PTPRK: variants seen among roughly 807,000 people sequenced by gnomAD.
PTPRK encodes the protein receptor-type tyrosine-protein phosphatase kappa.
In PTPRK, 75 loss-of-function variants were observed where a neutral mutation model predicts 178.0. The ratio of observed to expected loss-of-function variants is 0.42; its 90% CI spans 0.35 to 0.51. The LOEUF (loss-of-function observed/expected upper bound fraction) is 0.51. Ranked by LOEUF, PTPRK falls within the 20% of genes least tolerant of loss-of-function variation. The pLI, the probability that PTPRK is intolerant of heterozygous loss-of-function variation, is 0.02. For missense variants in PTPRK, 1,441 were observed against 1,797.8 expected (o/e 0.80, Z 3.59); for synonymous variants, 637 against 620.6 (o/e 1.03, Z -0.39).
In PTPRK at chr6:128,249,552, T is replaced by C. The variant is rs150941898; in HGVS notation, c.496-6950A>G. ...AGTATAGTAGAAGAAGATAGGTTTA[T>C]ACTTGGGAAGTATGATACATATGCA... is the stretch of plus-strand genomic sequence containing the variant. On this transcript the variant is annotated intron_variant, in intron 3 of 29. Transcript: ENST00000368226. Among the ~76,000 whole-genome samples, 41 of 152,252 alleles carry C rather than the reference T, an allele frequency of 2.7e-4. 1 individual carries two copies. The East Asian group carries it at 7.9e-3, about 29-fold the overall frequency.
chr6:128,184,568 T>G lies in PTPRK; in HGVS notation c.1026A>C (p.Ala342=). ...MTSGSWTETH[A]VNAPTYKLWH... ...ATAATTTGTAAGTTGGAGCATTGAC[T>G]GCATGGGTTTCTGTCCAGGATCCTG... is the stretch of plus-strand genomic sequence containing the variant. The change falls in exon 7 of 30, where the codon GCA becomes GCC. Residue 342 remains alanine (A), a synonymous_variant. Coordinates refer to ENST00000368226, the MANE Select transcript of PTPRK (RefSeq NM_002844.4). The G allele has an allele frequency of 6.2e-7, 1 of 1,614,020 alleles. No homozygotes were observed. Among genetic ancestry groups the G allele is most frequent in the Non-Finnish European group, 8.5e-7 (1 of 1,179,940 alleles).
chr6:128,298,277 C>T (rs918171349), intron 3 of PTPRK, among the ~76,000 whole-genome samples: 6 of 152,070 alleles, frequency 3.9e-5, no homozygotes, highest in Admixed American at 3.9e-4. Flanking sequence ...CAGATGGATT[C>T]ACAGCCGAAT....
intron 7 of PTPRK, among the ~76,000 whole-genome samples, chr6:128,166,681 A>C (rs531966056): frequency 1.3e-3 from 199 of 151,882 alleles, no homozygotes; most frequent in African/African-American, 4.6e-3. Context: ...ACAAAACTCT[A>C]TAAACATAAA....
chr6:128,433,498 G>C (rs1419564794), intron 1 of PTPRK, among the ~76,000 whole-genome samples: 1 of 148,996 alleles, frequency 6.7e-6, no homozygotes, highest in South Asian at 2.1e-4. Flanking sequence ...TTTTTTTTTT[G>C]TATTTTGTTT....
chr6:128,093,878 G>A (rs73584675), intron 7 of PTPRK, among the ~76,000 whole-genome samples: 4,252 of 150,864 alleles, frequency 0.028, 201 homozygotes, highest in African/African-American at 0.098. Context: ...GTTAAGCTAA[G>A]AAAAAAAATA....
intron 11 of PTPRK, among the ~76,000 whole-genome samples, chr6:128,074,073 C>A (rs1186955759): frequency 6.6e-6 from 1 of 152,022 alleles, no homozygotes; most frequent in Non-Finnish European, 1.5e-5. Flanking sequence ...GAACATCAGA[C>A]AATTTCTTTT....
chr6:128,056,098 T>C (rs1191494634), intron 13 of PTPRK, among the ~76,000 whole-genome samples: 5 of 151,924 alleles, frequency 3.3e-5, no homozygotes, highest in South Asian at 2.1e-4. Context: ...TTGCTAATAG[T>C]GAGCATAATA....
intron 1 of PTPRK, among the ~76,000 whole-genome samples, chr6:128,506,127 A>G (rs1453477604): frequency 6.6e-6 from 1 of 152,214 alleles, no homozygotes; most frequent in Non-Finnish European, 1.5e-5. Flanking sequence ...TTCTATAACC[A>G]TTGGGGAAAC....
At chr6:128,440,519 T>C (rs1846143142) in intron 1 of PTPRK, among the ~76,000 whole-genome samples, 1 of 152,226 alleles carries the variant, frequency 6.6e-6, no homozygotes, top group African/African-American at 2.4e-5. Flanking sequence ...CTAAATGCAA[T>C]ATAGTGAAAT....
At chr6:128,142,162 A>G (rs1243601158) in intron 7 of PTPRK, among the ~76,000 whole-genome samples, 1 of 152,000 alleles carries the variant, frequency 6.6e-6, no homozygotes, top group Non-Finnish European at 1.5e-5. Flanking sequence ...CAATACAGCT[A>G]TTGTAAATGA....
intron 1 of PTPRK, among the ~76,000 whole-genome samples, chr6:128,441,438 T>C (rs1313902227): frequency 6.6e-6 from 1 of 151,606 alleles, no homozygotes; most frequent in Non-Finnish European, 1.5e-5. Flanking sequence ...TTTGAAGTGC[T>C]CTTTTATTAA....
intron 7 of PTPRK, among the ~76,000 whole-genome samples, chr6:128,091,057 T>C (rs544833034): frequency 5.2e-4 from 79 of 152,226 alleles, no homozygotes; most frequent in African/African-American, 1.8e-3. Flanking sequence ...GCTAAACAGA[T>C]GGCAAGCCCA....
At chr6:128,181,820 C>G (rs1801954804) in intron 7 of PTPRK, among the ~76,000 whole-genome samples, 1 of 152,062 alleles carries the variant, frequency 6.6e-6, no homozygotes, top group South Asian at 2.1e-4. Context: ...ATAATCCTAA[C>G]TAACACTCTG....
intron 3 of PTPRK, among the ~76,000 whole-genome samples, chr6:128,242,891 A>T (rs1814726818): frequency 6.6e-6 from 1 of 152,200 alleles, no homozygotes; most frequent in African/African-American, 2.4e-5. Context: ...GCAGACATAG[A>T]AAATCTCTTT....
chr6:128,183,147 T>C (rs561905493), intron 7 of PTPRK, among the ~76,000 whole-genome samples: 18 of 152,202 alleles, frequency 1.2e-4, no homozygotes, highest in Non-Finnish European at 1.9e-4. Flanking sequence ...AATTTTGGAA[T>C]AGAGAGTGAA....
At chr6:128,183,005 T>C (rs1194872240) in intron 7 of PTPRK, among the ~76,000 whole-genome samples, 1 of 152,132 alleles carries the variant, frequency 6.6e-6, no homozygotes. Flanking sequence ...ATTGTCAAAA[T>C]TGTTAAAATT....
At chr6:128,110,414 C>T (rs1048768629) in intron 7 of PTPRK, among the ~76,000 whole-genome samples, 3 of 152,036 alleles carry the variant, frequency 2.0e-5, no homozygotes, top group South Asian at 2.1e-4. Context: ...TAGTAGCCGA[C>T]GTTTCATTTA....
chr6:128,507,781 C>A (rs1478358684), intron 1 of PTPRK, among the ~76,000 whole-genome samples: 1 of 152,126 alleles, frequency 6.6e-6, no homozygotes, highest in African/African-American at 2.4e-5. Context: ...ACACTGTAGT[C>A]TAAGAGGCTG....
chr6:128,464,638 C>CAAATATATATATAT (rs1164450520), intron 1 of PTPRK, among the ~76,000 whole-genome samples: 1 of 48,602 alleles, frequency 2.1e-5, no homozygotes, highest in Non-Finnish European at 3.5e-5. Context: ...TATATATACA[C>CAAATATATATATAT]ATATATATAT....
Sources: allele counts gnomAD v4.1 joint callset (sites outside exome capture counted in the v4.1 genomes callset), GRCh38; gene constraint gnomAD v4.1.1; transcripts MANE v1.5; gene names NCBI Gene and HGNC (gene_info 2026-07-23, HGNC 2026-07-21).